The following TRAPPC9 variants were observed in gnomAD, a reference collection of about 807,000 sequenced individuals.
TRAPPC9 encodes the protein trafficking protein particle complex subunit 9, also known as IKK2 binding protein.
TRAPPC9 carries 83 observed loss-of-function variants against 124.0 expected under a neutral mutation model. That is an observed-to-expected ratio of 0.67 (90% CI 0.56 to 0.80). The LOEUF (loss-of-function observed/expected upper bound fraction) is 0.80, where lower values mean the gene tolerates loss of function less well. TRAPPC9 is among the 30% of genes least tolerant of loss of function. TRAPPC9 has a pLI of 0.00. For missense variants in TRAPPC9, 1,302 were observed against 1,508.3 expected (o/e 0.86, Z 2.27); for synonymous variants, 638 against 617.5 (o/e 1.03, Z -0.49).
chr8:140,053,708 G>C (rs1325221216), intron 17 of TRAPPC9, among the ~76,000 whole-genome samples: 1 of 152,160 alleles, frequency 6.6e-6, no homozygotes, highest in Non-Finnish European at 1.5e-5. Context: ...CCTTTAGTCA[G>C]TGTTTGCTTT....
chr8:139,795,713 T>C (rs572149075), intron 21 of TRAPPC9, among the ~76,000 whole-genome samples: 75 of 152,100 alleles, frequency 4.9e-4, no homozygotes, highest in African/African-American at 1.7e-3. Flanking sequence ...AATTAAAGTG[T>C]TGGGAAACAA....
In TRAPPC9 at chr8:140,414,465, T is replaced by C. The variant is rs182577142; in HGVS notation, c.887-8767A>G. Among the ~76,000 whole-genome samples, 20 of 152,108 alleles carry C rather than the reference T, an allele frequency of 1.3e-4. No homozygotes were observed. The East Asian group carries it at 3.7e-3, about 28-fold the overall frequency. ...GGAAGGATTGCTTGAGCCTGAGAGG[T>C]TGAGGCTGCAATGAGCCATGATCAT... On this transcript the variant is annotated intron_variant, in intron 5 of 22. Coordinates refer to ENST00000438773, the MANE Select transcript of TRAPPC9 (RefSeq NM_001160372.4).
chr8:140,251,720 C>A (rs535154707), intron 16 of TRAPPC9, among the ~76,000 whole-genome samples: 1 of 152,230 alleles, frequency 6.6e-6, no homozygotes, highest in Non-Finnish European at 1.5e-5. Flanking sequence ...GGAGATGGAG[C>A]CCCCTCTATG....
Position 139,732,152 on chromosome 8 carries a change from G to C in TRAPPC9, c.3106C>G (p.Gln1036Glu). Residue 1036 changes from glutamine to glutamate, a missense_variant, in exon 22 of 23, where the codon CAG becomes GAG. Gln to Glu is a conservative substitution (Grantham distance 29). Around this residue, in one of 3 missense-constraint regions of TRAPPC9, gnomAD observed 640 missense variants for 679.3 expected, o/e 0.94. Transcript: ENST00000438773. ...TCCAGGCGCACGGGGTCGCCCACCT[G>C]GCAGGCCGCCACAGCCTCGCGGTCA... ...PCDREAVAAC[Q>E]VGDPVRLEVR... 6.2e-7 allele frequency: 1 copy of C among 1,603,742 alleles called. No individual in the cohort carries two copies.
chr8:139,844,577 A>G (rs1242298825), intron 21 of TRAPPC9, among the ~76,000 whole-genome samples: 1 of 152,242 alleles, frequency 6.6e-6, no homozygotes, highest in Non-Finnish European at 1.5e-5. Context: ...CTGTCTGGAC[A>G]CAAACCACAG....
intron 17 of TRAPPC9, among the ~76,000 whole-genome samples, chr8:140,034,470 G>T (rs1840748776): frequency 6.6e-6 from 1 of 152,128 alleles, no homozygotes; most frequent in Non-Finnish European, 1.5e-5. Context: ...TCAATAAACA[G>T]CACGGAGCAC....
chr8:139,937,600 A>C (rs981927072), intron 19 of TRAPPC9, among the ~76,000 whole-genome samples: 2 of 152,106 alleles, frequency 1.3e-5, no homozygotes, highest in Non-Finnish European at 2.9e-5. Context: ...ATGTAAGCCA[A>C]CAGAGAGACC....
intron 17 of TRAPPC9, among the ~76,000 whole-genome samples, chr8:140,089,944 G>T (rs1844453969): frequency 6.6e-6 from 1 of 152,168 alleles, no homozygotes; most frequent in Non-Finnish European, 1.5e-5. Flanking sequence ...GCTGGGTGTG[G>T]CGGTGCACGC....
At chr8:140,329,848 C>A (rs1362864235) in intron 9 of TRAPPC9, among the ~76,000 whole-genome samples, 2 of 152,086 alleles carry the variant, frequency 1.3e-5, no homozygotes, top group Admixed American at 1.3e-4. Context: ...GAGGCCAAGG[C>A]GGGCAGATCA....
chr8:139,900,530 T>C (rs561132078), intron 20 of TRAPPC9, among the ~76,000 whole-genome samples: 2 of 152,236 alleles, frequency 1.3e-5, no homozygotes, highest in Non-Finnish European at 2.9e-5. Context: ...TCAGTAGTCA[T>C]TCTTCCTTAT....
intron 19 of TRAPPC9, among the ~76,000 whole-genome samples, chr8:139,958,672 T>C (rs976250577): frequency 8.5e-5 from 13 of 152,128 alleles, no homozygotes; most frequent in African/African-American, 2.7e-4. Context: ...GACCACTCTG[T>C]AGCCCCAGGA....
chr8:140,283,443 C>G (rs1001583388), intron 14 of TRAPPC9, among the ~76,000 whole-genome samples: 1 of 150,656 alleles, frequency 6.6e-6, no homozygotes, highest in South Asian at 2.1e-4. Flanking sequence ...TACAGGCGCC[C>G]GCCACCACGC....
At chr8:140,357,934 A>G (rs2067804246) in intron 9 of TRAPPC9, among the ~76,000 whole-genome samples, 1 of 152,222 alleles carries the variant, frequency 6.6e-6, no homozygotes, top group African/African-American at 2.4e-5. Flanking sequence ...GGCCCCGGTC[A>G]GAGCAGAGAT....
chr8:140,025,727 T>TC (rs1242719504), intron 17 of TRAPPC9, among the ~76,000 whole-genome samples: 1 of 152,170 alleles, frequency 6.6e-6, no homozygotes, highest in African/African-American at 2.4e-5. Context: ...AATTCCTTTC[T>TC]CCCCTGCAAC....
At chr8:140,157,326 A>AAAGCCTCCCTTTTCCATTCAG (rs1244757818) in intron 17 of TRAPPC9, among the ~76,000 whole-genome samples, 857 of 32,340 alleles carry the variant, frequency 0.026, 174 homozygotes, top group Middle Eastern at 0.058. Flanking sequence ...TTTCCATTCA[A>AAAGCCTCCCTTTTCCATTCAG]AAGCCTCCCT....
chr8:140,232,920 G>A (rs1351146562), intron 16 of TRAPPC9, among the ~76,000 whole-genome samples: 1 of 152,224 alleles, frequency 6.6e-6, no homozygotes, highest in Non-Finnish European at 1.5e-5. Context: ...AAGCCAAAGC[G>A]TGACATGTGC....
chr8:140,361,446 G>A (rs1223675228), intron 8 of TRAPPC9, among the ~76,000 whole-genome samples: 3 of 152,320 alleles, frequency 2.0e-5, no homozygotes, highest in South Asian at 2.1e-4. Flanking sequence ...AGGGGGCCAC[G>A]CCAAACTGTA....
intron 21 of TRAPPC9, among the ~76,000 whole-genome samples, chr8:139,875,527 G>A (rs1475369636): frequency 1.3e-5 from 2 of 152,116 alleles, no homozygotes; most frequent in African/African-American, 2.4e-5. Context: ...AAAAACAAAC[G>A]ATCCTCTTTG....
chr8:140,376,735 G>A (rs907364166), intron 7 of TRAPPC9, among the ~76,000 whole-genome samples: 18 of 151,734 alleles, frequency 1.2e-4, no homozygotes, highest in Non-Finnish European at 2.1e-4. Context: ...AATTAGCCGG[G>A]CGTGATGGTG....
Sources: allele counts gnomAD v4.1 joint callset (sites outside exome capture counted in the v4.1 genomes callset), GRCh38; gene constraint gnomAD v4.1.1; regional missense constraint gnomAD v4.1.1; transcripts MANE v1.5; gene names NCBI Gene and HGNC (gene_info 2026-07-23, HGNC 2026-07-21).